The following KIAA1549 variants were observed in gnomAD, a reference collection of about 807,000 sequenced individuals.
KIAA1549 encodes KIAA1549.
A neutral mutation model predicts 156.4 loss-of-function variants in KIAA1549; 70 were observed. That is an observed-to-expected ratio of 0.45 (90% CI 0.37 to 0.55). The LOEUF (loss-of-function observed/expected upper bound fraction) is 0.55. KIAA1549 is among the 20% of genes least tolerant of loss of function. KIAA1549 has a pLI of 0.00. For missense variants in KIAA1549, 2,428 were observed against 2,540.9 expected, an observed-to-expected ratio of 0.96 and a Z score of 0.96; for synonymous variants, 1,103 against 1,066.4, an observed-to-expected ratio of 1.03 and a Z score of -0.67.
intron 1 of KIAA1549, among the ~76,000 whole-genome samples, chr7:138,958,136 G>C (rs1406042024): frequency 3.3e-5 from 5 of 152,192 alleles, no homozygotes; most frequent in Non-Finnish European, 5.9e-5. Context: ...GATTATGCGT[G>C]TGCCTGTGTG....
At chr7:138,861,044 A>C (rs1182279636) in intron 16 of KIAA1549, 95 bp downstream of exon 16, 1 of 1,253,182 alleles carries the variant, frequency 8.0e-7, no homozygotes, top group Non-Finnish European at 1.1e-6. Flanking sequence ...TATCAAATGC[A>C]ACCACGGTTT....
intron 1 of KIAA1549, among the ~76,000 whole-genome samples, chr7:138,951,785 A>G (rs1215803150): frequency 6.6e-6 from 1 of 152,244 alleles, no homozygotes; most frequent in Non-Finnish European, 1.5e-5. Flanking sequence ...AAACTATACA[A>G]GAAAAGAACA....
chr7:138,970,241 C>T (rs1334411050), intron 1 of KIAA1549, among the ~76,000 whole-genome samples: 1 of 152,192 alleles, frequency 6.6e-6, no homozygotes, highest in African/African-American at 2.4e-5. Flanking sequence ...AGCTTCGACA[C>T]CCTTTTGCTT....
rs774335103 is a variant in KIAA1549, at chr7:138,919,142, G to A, written c.484C>T (p.Pro162Ser). Residue 162 changes from proline to serine, a missense_variant, in exon 2 of 20, where the codon CCA becomes TCA. Pro to Ser is a moderately conservative substitution (Grantham distance 74). Coordinates refer to ENST00000422774, the MANE Select transcript of KIAA1549 (RefSeq NM_001164665.2). ...VNDDEMDNFL[P>S]DTHWTTPRMV... The stretch of plus-strand genomic sequence containing the variant: ...CGTGGAGTGGTCCAGTGAGTATCTG[G>A]CAGAAAGTTATCCATCTCATCGTCA... 1 of 1,614,018 alleles carries A rather than the reference G, an allele frequency of 6.2e-7. No individual in the cohort carries two copies. The highest frequency in any genetic ancestry group is 1.1e-5 in the South Asian group (1 of 91,086).
chr7:138,976,868 A>G lies in KIAA1549; in HGVS notation c.187+4215T>C, dbSNP rs1402331587. ...CCCAGGCACTGCCACCAAAGAGTCT[A>G]ATTTAGAGGCTAAGGGTGAGTCGTA... On this transcript the variant is annotated intron_variant, in intron 1 of 19. Transcript: ENST00000422774. Among the ~76,000 whole-genome samples the G allele has an allele frequency of 2.0e-5, 3 of 152,242 alleles. 1 individual carries two copies. The highest frequency in any genetic ancestry group is 7.2e-5 in the African/African-American group (3 of 41,464).
Position 138,835,095 on chromosome 7 carries a change from C to T in KIAA1549, c.*2811G>A, listed in dbSNP as rs1584975551. ...AAATTCAACTGTTCATTGTAGAGTG[C>T]TTCCATAAACGGACTCCAAAGCCAC... On this transcript the variant is annotated 3_prime_UTR_variant, in exon 20 of 20. Coordinates refer to ENST00000422774, the MANE Select transcript of KIAA1549 (RefSeq NM_001164665.2). 2 of 223,772 alleles carry T rather than the reference C, an allele frequency of 8.9e-6. No homozygotes were observed. Among genetic ancestry groups the T allele is most frequent in the East Asian group, 1.3e-4 (2 of 15,432 alleles). 13.9% of individuals were successfully genotyped at this position (223,772 alleles called of 1,614,324 possible).
intron 1 of KIAA1549, among the ~76,000 whole-genome samples, chr7:138,927,801 T>C (rs1036421585): frequency 7.9e-5 from 12 of 152,226 alleles, no homozygotes; most frequent in African/African-American, 2.9e-4. Context: ...GATGTCCACA[T>C]GTTTACCAAT....
At position 138,902,870 on chromosome 7, in the gene KIAA1549, T is replaced by G. The variant is rs147611214; in HGVS notation, c.3669+718A>C. Among the ~76,000 whole-genome samples, 25 of 152,208 alleles carry G rather than the reference T, an allele frequency of 1.6e-4. 1 individual carries two copies. In the East Asian group the frequency reaches 2.5e-3, roughly 15 times the overall value. On this transcript the variant is annotated intron_variant, in intron 8 of 19. Coordinates refer to ENST00000422774, the MANE Select transcript of KIAA1549 (RefSeq NM_001164665.2). ...AGAGGCTACAAAAGGATGTATGCAG[T>G]GTCATCCAAAGGTTAATAGAGAATT...
At chr7:138,855,976 C>T (rs1810376124) in intron 16 of KIAA1549, among the ~76,000 whole-genome samples, 1 of 152,016 alleles carries the variant, frequency 6.6e-6, no homozygotes, top group Admixed American at 6.6e-5. Context: ...TCTTGCCCTC[C>T]TCCTTCCCAT....
rs374262068 is a variant in KIAA1549, at chr7:138,911,282, G to A, written c.3009C>T (p.Ser1003=). ...LFTDFTFLVT[S]GPFVYTAISV... ...ATATTGCCGTGTAAACGAAAGGACCGGATGTTACCAGAAAAGTGAAGTCAG... is the reference window on the plus strand; with the variant it reads ...ATATTGCCGTGTAAACGAAAGGACCAGATGTTACCAGAAAAGTGAAGTCAG... Residue 1003 remains serine (S), a synonymous_variant, in exon 4 of 20, where the codon TCC becomes TCT. Transcript: ENST00000422774. 68 of 1,601,918 alleles carry A rather than the reference G, an allele frequency of 4.2e-5. No homozygotes were observed. The highest frequency in any genetic ancestry group is 6.8e-5 in the Admixed American group (4 of 58,480).
chr7:138,860,093 A>G (rs934468327), intron 16 of KIAA1549, among the ~76,000 whole-genome samples: 1 of 152,270 alleles, frequency 6.6e-6, no homozygotes, highest in Non-Finnish European at 1.5e-5. Context: ...AGCTGTTTCC[A>G]CATTTATTTT....
chr7:138,863,125 T>A (rs1810636307), intron 15 of KIAA1549, among the ~76,000 whole-genome samples: 1 of 152,072 alleles, frequency 6.6e-6, no homozygotes, highest in African/African-American at 2.4e-5. Flanking sequence ...AGAGTCATCC[T>A]TTCTGGTCTT....
chr7:138,861,490 A>G (rs770182101), intron 15 of KIAA1549, 34 bp from the exon 16 acceptor site: 4 of 1,556,454 alleles, frequency 2.6e-6, no homozygotes, highest in South Asian at 1.2e-5. Flanking sequence ...AGAATCACAC[A>G]TGAGTTTTTG....
chr7:138,893,055 G>A (rs1237397841), intron 10 of KIAA1549, among the ~76,000 whole-genome samples: 3 of 152,126 alleles, frequency 2.0e-5, no homozygotes, highest in Non-Finnish European at 2.9e-5. Context: ...CTCTAGGCCT[G>A]GCATGTTTTT....
At chr7:138,868,270 C>T (rs1322729355) in intron 14 of KIAA1549, 142 bp from the exon 15 acceptor site, 1 of 777,070 alleles carries the variant, frequency 1.3e-6, no homozygotes, top group African/African-American at 1.7e-5. Context: ...ATGTACGAGA[C>T]AGTCTCTGCT....
chr7:138,839,778 CTTTTTTTTTTTTTTTTT>C (rs763327649), intron 19 of KIAA1549, among the ~76,000 whole-genome samples: 1 of 61,326 alleles, frequency 1.6e-5, no homozygotes, highest in Non-Finnish European at 3.0e-5. Context: ...GGGATTATGT[CTTTTTTTTTTTTTTTTT>C]TTTTTTTTTT....
Position 138,871,292 on chromosome 7 carries a change from G to A in KIAA1549, c.4416C>T (p.Ile1472=). ...SASIFEHVDR[I]SRPPEASRRV... is the part of the protein sequence containing the mutation. ...GCCGGCTAGCCTCCGGGGGGCGGGA[G>A]ATCCTGTCCACGTGCTCGAAGATGG... Residue 1472 remains isoleucine (I), a synonymous_variant, in exon 13 of 20, where the codon ATC becomes ATT. Transcript: ENST00000422774. 1.9e-6 allele frequency: 3 copies of A among 1,609,078 alleles called. No homozygotes were observed. The highest frequency in any genetic ancestry group is 2.5e-6 in the Non-Finnish European group (3 of 1,177,538).
intron 1 of KIAA1549, among the ~76,000 whole-genome samples, chr7:138,929,598 A>G (rs1260084829): frequency 6.6e-6 from 1 of 152,174 alleles, no homozygotes; most frequent in Non-Finnish European, 1.5e-5. Context: ...CCTTTTCCAG[A>G]ATGTTCTTGA....
At chr7:138,893,474 A>G (rs1220736265) in intron 10 of KIAA1549, among the ~76,000 whole-genome samples, 5 of 152,244 alleles carry the variant, frequency 3.3e-5, no homozygotes, top group African/African-American at 1.2e-4. Flanking sequence ...CTGACACGTC[A>G]TGGGTGTTGT....
Sources: gnomAD v4.1 joint callset for allele counts (sites outside exome capture counted in the v4.1 genomes callset) on GRCh38, gnomAD v4.1.1 for gene constraint, MANE v1.5 for transcripts, NCBI Gene and HGNC (gene_info 2026-07-23, HGNC 2026-07-21) for gene names.